CFH: variants seen among roughly 807,000 people sequenced by gnomAD.
CFH encodes complement factor H.
CFH carries 53 observed loss-of-function variants against 147.3 expected under a neutral mutation model. The ratio of observed to expected loss-of-function variants is 0.36; its 90% CI spans 0.29 to 0.45. CFH has a LOEUF of 0.45. Among genes scored for constraint, CFH ranks in the 20% least tolerant of loss-of-function variants. CFH has a pLI of 1.00. For missense variants in CFH, 1,380 were observed against 1,498.0 expected (o/e 0.92, Z 1.30); for synonymous variants, 536 against 489.4 (o/e 1.10, Z -1.26).
intron 9 of CFH, among the ~76,000 whole-genome samples, chr1:196,705,369 C>G (rs548768758): frequency 1.3e-5 from 2 of 152,248 alleles, no homozygotes; most frequent in Admixed American, 6.5e-5. Flanking sequence ...ATGGCAGCAG[C>G]TGTGAGGGGT....
chr1:196,670,973 T>C (rs906776329), intron 1 of CFH, among the ~76,000 whole-genome samples: 9 of 152,124 alleles, frequency 5.9e-5, no homozygotes, highest in Admixed American at 1.3e-4. Context: ...TTATACTCTG[T>C]TTTGTTTGTT....
At chr1:196,657,030 T>C (rs951651830) in intron 1 of CFH, among the ~76,000 whole-genome samples, 1 of 152,064 alleles carries the variant, frequency 6.6e-6, no homozygotes, top group Non-Finnish European at 1.5e-5. Context: ...GAGGCTGGAG[T>C]GCCCACGCTG....
intron 9 of CFH, among the ~76,000 whole-genome samples, chr1:196,710,141 T>C (rs1477207326): frequency 2.0e-5 from 3 of 151,998 alleles, no homozygotes; most frequent in Admixed American, 2.0e-4. Flanking sequence ...GGTGACTTCA[T>C]CCCCCTTACC....
At chr1:196,653,994 T>C in intron 1 of CFH, among the ~76,000 whole-genome samples, 1 of 152,146 alleles carries the variant, frequency 6.6e-6, no homozygotes, top group African/African-American at 2.4e-5. Context: ...ATTTATTCCT[T>C]GTTTCCCAAA....
chr1:196,743,364 C>G, intron 19 of CFH, 88 bp from the exon 20 acceptor site: 1 of 1,526,762 alleles, frequency 6.5e-7, no homozygotes, highest in Non-Finnish European at 9.0e-7. Flanking sequence ...ATTTTAAATT[C>G]GTCTTGAAAT....
intron 1 of CFH, among the ~76,000 whole-genome samples, chr1:196,670,390 T>A (rs1424685399): frequency 6.6e-6 from 1 of 152,104 alleles, no homozygotes; most frequent in Admixed American, 6.6e-5. Context: ...CCAAATCTCA[T>A]CTTAAATTGT....
chr1:196,702,992 T>C (rs1668498853), intron 9 of CFH, among the ~76,000 whole-genome samples: 1 of 152,190 alleles, frequency 6.6e-6, no homozygotes. Flanking sequence ...TAACATGATG[T>C]TTATCCAACA....
intron 9 of CFH, among the ~76,000 whole-genome samples, chr1:196,710,567 G>T (rs977933227): frequency 6.6e-6 from 1 of 151,984 alleles, no homozygotes; most frequent in Non-Finnish European, 1.5e-5. Context: ...ATCTTTTGAA[G>T]AATTGTTTAG....
chr1:196,693,504 C>G (rs1423416413), intron 9 of CFH, among the ~76,000 whole-genome samples: 1 of 152,056 alleles, frequency 6.6e-6, no homozygotes, highest in Non-Finnish European at 1.5e-5. Flanking sequence ...GTATAAAACC[C>G]AAGTAGACTA....
At chr1:196,670,588 C>T (rs944121743) in intron 1 of CFH, among the ~76,000 whole-genome samples, 1 of 152,072 alleles carries the variant, frequency 6.6e-6, no homozygotes, top group African/African-American at 2.4e-5. Context: ...TCTTTCCTTC[C>T]CCTTCCACCA....
rs150694809 is a variant in CFH, at chr1:196,725,297, G to A, written c.1873G>A (p.Glu625Lys). The A allele has an allele frequency of 6.2e-7, 1 of 1,613,290 alleles. No individual in the cohort carries two copies. The highest frequency in any genetic ancestry group is 8.5e-7 in the Non-Finnish European group (1 of 1,179,404). Reference sequence around the variant, plus strand: ...GTCTCCTGACCTCCCAATATGTAAAGGTGAATGCTTATCTTACAATTGCTG... The same window carrying A: ...GTCTCCTGACCTCCCAATATGTAAAAGTGAATGCTTATCTTACAATTGCTG... Reference protein sequence around the residue: ...GLSPDLPICKEQVQSCGPPPE... With the variant: ...GLSPDLPICKKQVQSCGPPPE... The change falls in exon 12 of 22, where the codon GAG becomes AAG. Residue 625 changes from glutamate to lysine, a missense_variant and splice_region_variant. This residue lies in a region of CFH where 830 missense variants were observed against 821.4 expected (regional missense o/e 1.01). Coordinates refer to ENST00000367429, the MANE Select transcript of CFH (RefSeq NM_000186.4).
chr1:196,730,669 T>C (rs577014111), intron 15 of CFH, among the ~76,000 whole-genome samples: 1 of 151,828 alleles, frequency 6.6e-6, no homozygotes, highest in East Asian at 1.9e-4. Context: ...ACGTTGAAAG[T>C]AAAATATTGA....
At chr1:196,669,379 G>A (rs1163686948) in intron 1 of CFH, among the ~76,000 whole-genome samples, 1 of 152,184 alleles carries the variant, frequency 6.6e-6, no homozygotes. Context: ...TGTCTCCAGG[G>A]AATGTTAGTG....
intron 17 of CFH, 109 bp from the exon 18 acceptor site, chr1:196,740,510 A>T: frequency 9.5e-7 from 1 of 1,058,010 alleles, no homozygotes; most frequent in African/African-American, 1.6e-5. Context: ...GTGATGTCAT[A>T]GTAGCTCCTG....
chr1:196,727,309 G>GT (rs1385432245), intron 14 of CFH, among the ~76,000 whole-genome samples: 2 of 151,988 alleles, frequency 1.3e-5, no homozygotes, highest in Non-Finnish European at 2.9e-5. Context: ...AGACACTAGT[G>GT]TGGGCAATAT....
chr1:196,706,224 T>C (rs1668585489), intron 9 of CFH, among the ~76,000 whole-genome samples: 1 of 152,178 alleles, frequency 6.6e-6, no homozygotes, highest in Non-Finnish European at 1.5e-5. Context: ...GTTTTTATTG[T>C]TGTCCATGCT....
chr1:196,670,376 C>T (rs534218718), intron 1 of CFH, among the ~76,000 whole-genome samples: 3 of 152,222 alleles, frequency 2.0e-5, no homozygotes, highest in East Asian at 3.9e-4. Flanking sequence ...CTCTGTGTCC[C>T]TACCCAAATC....
At chr1:196,710,041 T>TACACACACAGACAC (rs1217183578) in intron 9 of CFH, among the ~76,000 whole-genome samples, 6 of 84,934 alleles carry the variant, frequency 7.1e-5, no homozygotes, top group African/African-American at 3.2e-4. Flanking sequence ...CACACAAACA[T>TACACACACAGACAC]ACACACACAG....
intron 17 of CFH, among the ~76,000 whole-genome samples, 154 bp from the exon 18 acceptor site, chr1:196,740,465 A>C (rs1176204985): frequency 6.6e-6 from 1 of 152,220 alleles, no homozygotes; most frequent in Non-Finnish European, 1.5e-5. Context: ...AGACACCAGA[A>C]GGCTAGTTTT....
Sources: allele counts gnomAD v4.1 joint callset (sites outside exome capture counted in the v4.1 genomes callset), GRCh38; gene constraint gnomAD v4.1.1; regional missense constraint gnomAD v4.1.1; transcripts MANE v1.5; gene names NCBI Gene and HGNC (gene_info 2026-07-23, HGNC 2026-07-21).